The following CTNND2 variants were observed in gnomAD, a reference collection of about 807,000 sequenced individuals.
CTNND2 encodes the protein catenin delta-2.
CTNND2 carries 22 observed loss-of-function variants against 144.4 expected under a neutral mutation model. The observed-to-expected ratio is 0.15, with a 90% CI of 0.11 to 0.22. CTNND2 has a LOEUF of 0.22. Ranked by LOEUF, CTNND2 falls within the 10% of genes least tolerant of loss-of-function variation. The pLI, the probability that CTNND2 is intolerant of heterozygous loss-of-function variation, is 1.00. For synonymous variants in CTNND2, 751 were observed against 695.6 expected (o/e 1.08, Z -1.25); for missense variants, 1,353 against 1,618.8 (o/e 0.84, Z 2.82).
At chr5:11,413,932 TCCTCATCAAAAC>T (rs1761732053) in intron 3 of CTNND2, among the ~76,000 whole-genome samples, 1 of 152,160 alleles carries the variant, frequency 6.6e-6, no homozygotes, top group African/African-American at 2.4e-5. Flanking sequence ...AAAAGATATG[TCCTCATCAAAAC>T]CCTAAGACCT....
intron 3 of CTNND2, among the ~76,000 whole-genome samples, chr5:11,419,106 G>T (rs925938850): frequency 5.3e-5 from 8 of 150,262 alleles, no homozygotes; most frequent in Admixed American, 5.3e-4. Flanking sequence ...AACTGAAAAG[G>T]TATCAAATTC....
intron 3 of CTNND2, among the ~76,000 whole-genome samples, chr5:11,533,564 A>C (rs1773949052): frequency 6.6e-6 from 1 of 152,184 alleles, no homozygotes; most frequent in Non-Finnish European, 1.5e-5. Context: ...AGCTAAGCCC[A>C]ACACCCAGCA....
At chr5:11,710,238 T>C (rs898258753) in intron 2 of CTNND2, among the ~76,000 whole-genome samples, 5 of 152,170 alleles carry the variant, frequency 3.3e-5, no homozygotes, top group South Asian at 2.1e-4. Context: ...AATCAGGTGA[T>C]GGTTTAAGGA....
intron 12 of CTNND2, among the ~76,000 whole-genome samples, chr5:11,139,502 G>C (rs1403603589): frequency 6.6e-6 from 1 of 152,210 alleles, no homozygotes; most frequent in African/African-American, 2.4e-5. Flanking sequence ...TCATGGGTGT[G>C]ATGTTTATGG....
intron 2 of CTNND2, among the ~76,000 whole-genome samples, chr5:11,710,990 A>G (rs1193141986): frequency 6.6e-6 from 1 of 152,188 alleles, no homozygotes; most frequent in Non-Finnish European, 1.5e-5. Context: ...ATTTCCTTCC[A>G]GTGTGTTCTT....
At chr5:11,681,712 T>A (rs1208539563) in intron 2 of CTNND2, among the ~76,000 whole-genome samples, 1 of 152,230 alleles carries the variant, frequency 6.6e-6, no homozygotes, top group African/African-American at 2.4e-5. Context: ...CTACTGACCA[T>A]GCCACATTGA....
intron 3 of CTNND2, among the ~76,000 whole-genome samples, chr5:11,506,674 A>C (rs1277038963): frequency 6.6e-6 from 1 of 152,250 alleles, no homozygotes; most frequent in African/African-American, 2.4e-5. Context: ...TTAAATATAC[A>C]CAATTCATTT....
intron 2 of CTNND2, among the ~76,000 whole-genome samples, chr5:11,678,972 C>G (rs1285006358): frequency 2.0e-5 from 3 of 151,852 alleles, no homozygotes; most frequent in African/African-American, 7.3e-5. Flanking sequence ...CTACATGGTG[C>G]TGGGATGGAC....
intron 13 of CTNND2, 114 bp from the exon 14 acceptor site, chr5:11,111,157 T>A: frequency 8.6e-7 from 1 of 1,156,202 alleles, no homozygotes. Context: ...TGGAAGTGTT[T>A]AGCTGCCAGC....
At chr5:11,425,768 A>G (rs760510748) in intron 3 of CTNND2, among the ~76,000 whole-genome samples, 7 of 152,194 alleles carry the variant, frequency 4.6e-5, no homozygotes, top group Non-Finnish European at 1.0e-4. Flanking sequence ...GCCTGGTGGT[A>G]TAAAGAGCTC....
intron 12 of CTNND2, among the ~76,000 whole-genome samples, chr5:11,137,583 C>G (rs6873671): frequency 0.62 from 94,854 of 152,014 alleles, 29,651 homozygotes; most frequent in East Asian, 0.73. Flanking sequence ...AAGAAGACAA[C>G]TAGCAGCAGG....
At chr5:11,276,335 C>T (rs1170803064) in intron 9 of CTNND2, among the ~76,000 whole-genome samples, 1 of 152,200 alleles carries the variant, frequency 6.6e-6, no homozygotes, top group East Asian at 1.9e-4. Context: ...GATGTGAGCA[C>T]TGTGTCTGGG....
chr5:11,026,677 A>T (rs1317781665), intron 16 of CTNND2, among the ~76,000 whole-genome samples: 1 of 152,136 alleles, frequency 6.6e-6, no homozygotes, highest in Non-Finnish European at 1.5e-5. Context: ...TCTAGATTTA[A>T]TTTGATTAAA....
intron 2 of CTNND2, among the ~76,000 whole-genome samples, chr5:11,697,111 T>C (rs1366479222): frequency 6.6e-6 from 1 of 152,224 alleles, no homozygotes; most frequent in African/African-American, 2.4e-5. Context: ...TCATTATGTA[T>C]GTAAGTGATT....
intron 9 of CTNND2, among the ~76,000 whole-genome samples, chr5:11,319,816 T>C (rs1421650228): frequency 1.3e-5 from 2 of 152,110 alleles, no homozygotes; most frequent in Non-Finnish European, 2.9e-5. Flanking sequence ...CCACTGTGCA[T>C]GGCCTGAAGA....
At chr5:11,042,240 G>T (rs1744756286) in intron 16 of CTNND2, among the ~76,000 whole-genome samples, 1 of 152,156 alleles carries the variant, frequency 6.6e-6, no homozygotes, top group South Asian at 2.1e-4. Context: ...AATTAATGTT[G>T]ATGAAAACTA....
At chr5:11,772,983 G>C (rs2126829414) in intron 1 of CTNND2, among the ~76,000 whole-genome samples, 1 of 152,218 alleles carries the variant, frequency 6.6e-6, no homozygotes, top group African/African-American at 2.4e-5. Context: ...AATATAAGAT[G>C]ACCCAGATCA....
intron 9 of CTNND2, among the ~76,000 whole-genome samples, chr5:11,303,619 T>C (rs990932623): frequency 6.6e-6 from 1 of 152,180 alleles, no homozygotes; most frequent in African/African-American, 2.4e-5. Context: ...TGATCACTAT[T>C]CCTTCTTCAT....
intron 13 of CTNND2, among the ~76,000 whole-genome samples, chr5:11,112,394 G>A (rs964106760): frequency 1.1e-4 from 16 of 152,142 alleles, no homozygotes; most frequent in Admixed American, 2.0e-4. Context: ...GCCACAAGCC[G>A]AGGTATGTGG....
Sources: allele counts gnomAD v4.1 joint callset (sites outside exome capture counted in the v4.1 genomes callset), GRCh38; gene constraint gnomAD v4.1.1; transcripts MANE v1.5; gene names NCBI Gene and HGNC (gene_info 2026-07-23, HGNC 2026-07-21).